The following CA8 variants were observed in gnomAD, a reference collection of about 807,000 sequenced individuals.
CA8 encodes the protein carbonic anhydrase 8 (inactive).
In CA8, 22 loss-of-function variants were observed where a neutral mutation model predicts 41.4. The ratio of observed to expected loss-of-function variants is 0.53; its 90% CI spans 0.38 to 0.76. The LOEUF is 0.76. Ranked by LOEUF, CA8 falls within the 30% of genes least tolerant of loss-of-function variation. CA8 has a pLI of 0.00. For synonymous variants in CA8, 121 were observed against 130.6 expected, an observed-to-expected ratio of 0.93 and a Z score of 0.50; for missense variants, 270 against 352.8, an observed-to-expected ratio of 0.77 and a Z score of 1.88.
intron 2 of CA8, among the ~76,000 whole-genome samples, chr8:60,273,087 G>A (rs1332353071): frequency 6.6e-6 from 1 of 152,132 alleles, no homozygotes; most frequent in Non-Finnish European, 1.5e-5. Context: ...ATCTGCCTGG[G>A]TCTAAAAGAC....
At chr8:60,225,711 T>C (rs1807414221) in intron 5 of CA8, among the ~76,000 whole-genome samples, 1 of 152,172 alleles carries the variant, frequency 6.6e-6, no homozygotes, top group South Asian at 2.1e-4. Context: ...CCTCTGTAAT[T>C]AAACAAGTTC....
At chr8:60,246,875 C>CTTTTTT (rs10567353) in intron 3 of CA8, among the ~76,000 whole-genome samples, 2 of 89,102 alleles carry the variant, frequency 2.2e-5, no homozygotes, top group Non-Finnish European at 4.0e-5. Context: ...ATAATAACCA[C>CTTTTTT]TTTTTTTTTT....
At chr8:60,210,140 T>C (rs1806781909) in intron 7 of CA8, among the ~76,000 whole-genome samples, 2 of 152,194 alleles carry the variant, frequency 1.3e-5, no homozygotes, top group South Asian at 2.1e-4. Context: ...AGTCTGACAA[T>C]TCCAAGTCTA....
chr8:60,206,269 A>G (rs1389711109), intron 8 of CA8, among the ~76,000 whole-genome samples: 1 of 152,202 alleles, frequency 6.6e-6, no homozygotes, highest in Non-Finnish European at 1.5e-5. Flanking sequence ...GAAAAACTAC[A>G]CATTATTCAT....
chr8:60,218,795 T>C (rs1325821674), intron 7 of CA8, among the ~76,000 whole-genome samples: 1 of 152,166 alleles, frequency 6.6e-6, no homozygotes, highest in African/African-American at 2.4e-5. Context: ...ATGTTTTACA[T>C]GTATCATTCA....
intron 3 of CA8, among the ~76,000 whole-genome samples, chr8:60,245,158 C>T (rs1052506897): frequency 6.6e-6 from 1 of 151,960 alleles, no homozygotes; most frequent in South Asian, 2.1e-4. Flanking sequence ...ATGCAAAGAA[C>T]ACAAAACTTT....
intron 2 of CA8, among the ~76,000 whole-genome samples, chr8:60,275,603 G>C (rs1804206967): frequency 6.6e-6 from 1 of 150,968 alleles, no homozygotes; most frequent in Non-Finnish European, 1.5e-5. Context: ...GAAGAGAAAG[G>C]GAAGAAGAAA....
At chr8:60,190,193 A>G in intron 8 of CA8, among the ~76,000 whole-genome samples, 1 of 151,842 alleles carries the variant, frequency 6.6e-6, no homozygotes, top group Non-Finnish European at 1.5e-5. Context: ...TCTATGGCAG[A>G]CCTATTAATG....
Position 60,280,914 on chromosome 8 carries a change from G to T in CA8, c.100+134C>A, listed in dbSNP as rs139012377. ...AACGCACCAGGGGAGTGGGAAAGTG[G>T]CAGAGACCCCCGTGGGAAAGAGGGG... On this transcript the variant is annotated intron_variant, in intron 1 of 8. Coordinates refer to ENST00000317995, the MANE Select transcript of CA8 (RefSeq NM_004056.6). The T allele has an allele frequency of 1.4e-3, 1,001 of 709,756 alleles. 8 individuals carry two copies. The African/African-American group carries it at 0.015, about 11-fold the overall frequency. 44.0% of individuals were successfully genotyped at this position (709,756 alleles called of 1,614,324 possible). A position where few individuals can be genotyped will look rare whatever the true frequency, so the allele number is the denominator to read the frequency against.
chr8:60,241,244 A>G (rs898754716), intron 3 of CA8, among the ~76,000 whole-genome samples: 2 of 152,228 alleles, frequency 1.3e-5, no homozygotes, highest in Non-Finnish European at 2.9e-5. Flanking sequence ...TAAAGCATGG[A>G]ATGGAACATA....
At chr8:60,228,248 A>G (rs1350291362) in intron 4 of CA8, among the ~76,000 whole-genome samples, 3 of 152,248 alleles carry the variant, frequency 2.0e-5, no homozygotes, top group Non-Finnish European at 2.9e-5. Flanking sequence ...GGCTCTAAAA[A>G]CAGAAAATAA....
At chr8:60,207,540 G>C (rs2130419318) in intron 8 of CA8, among the ~76,000 whole-genome samples, 1 of 152,272 alleles carries the variant, frequency 6.6e-6, no homozygotes, top group South Asian at 2.1e-4. Flanking sequence ...CTGCCACTCA[G>C]TGGCACTCCA....
At chr8:60,248,523 G>C (rs1808331486) in intron 3 of CA8, among the ~76,000 whole-genome samples, 2 of 152,272 alleles carry the variant, frequency 1.3e-5, no homozygotes, top group South Asian at 2.1e-4. Context: ...TTTCCCCGTT[G>C]CTTGTTTTTG....
intron 7 of CA8, among the ~76,000 whole-genome samples, chr8:60,213,223 G>A (rs924835251): frequency 6.6e-6 from 1 of 152,260 alleles, no homozygotes; most frequent in Admixed American, 6.5e-5. Flanking sequence ...AAGAGAGTAG[G>A]AAGAACATTC....
At chr8:60,261,341 G>C (rs1185652182) in intron 3 of CA8, among the ~76,000 whole-genome samples, 4 of 152,134 alleles carry the variant, frequency 2.6e-5, no homozygotes, top group African/African-American at 9.7e-5. Flanking sequence ...AGTACACAGA[G>C]CAACAGATGC....
At chr8:60,265,817 T>TG (rs1803884041) in intron 3 of CA8, 108 bp downstream of exon 3, 4 of 1,253,660 alleles carry the variant, frequency 3.2e-6, no homozygotes, top group East Asian at 2.5e-5. Context: ...TATAAACTGA[T>TG]AAAATTCAAG....
chr8:60,213,467 C>T (rs1029388383), intron 7 of CA8, among the ~76,000 whole-genome samples: 4 of 152,212 alleles, frequency 2.6e-5, no homozygotes, highest in Non-Finnish European at 5.9e-5. Flanking sequence ...AAAAATAACA[C>T]ATTTTAAGAA....
chr8:60,275,960 A>T (rs1448772910), intron 2 of CA8, among the ~76,000 whole-genome samples: 1 of 152,204 alleles, frequency 6.6e-6, no homozygotes, highest in Non-Finnish European at 1.5e-5. Context: ...CGAAGTCAAG[A>T]ATACTTCCAA....
At chr8:60,211,985 A>C (rs1266485741) in intron 7 of CA8, among the ~76,000 whole-genome samples, 1 of 152,240 alleles carries the variant, frequency 6.6e-6, no homozygotes, top group Admixed American at 6.5e-5. Flanking sequence ...CATATATCTG[A>C]ATGTATGACT....
Sources: allele counts gnomAD v4.1 joint callset (sites outside exome capture counted in the v4.1 genomes callset), GRCh38; gene constraint gnomAD v4.1.1; transcripts MANE v1.5; gene names NCBI Gene and HGNC (gene_info 2026-07-23, HGNC 2026-07-21).